Variants in HDAC4 observed in about 807,000 individuals in gnomAD.
HDAC4 encodes the protein histone deacetylase A.
HDAC4 carries 16 observed loss-of-function variants against 135.1 expected under a neutral mutation model. The ratio of observed to expected loss-of-function variants is 0.12; its 90% CI spans 0.08 to 0.18. HDAC4 has a LOEUF of 0.18. Ranked by LOEUF, HDAC4 falls within the 10% of genes least tolerant of loss-of-function variation. The pLI, the probability that HDAC4 is intolerant of heterozygous loss-of-function variation, is 1.00. For synonymous variants in HDAC4, 685 were observed against 653.4 expected (o/e 1.05, Z -0.74); for missense variants, 1,143 against 1,511.8 (o/e 0.76, Z 4.05).
chr2:239,061,421 G>A, intron 24 of HDAC4, among the ~76,000 whole-genome samples: 1 of 151,436 alleles, frequency 6.6e-6, no homozygotes, highest in Non-Finnish European at 1.5e-5. Context: ...AGGGTGTGTG[G>A]TGTGTGCACG....
At chr2:239,327,635 C>G (rs1559366172) in intron 2 of HDAC4, among the ~76,000 whole-genome samples, 1 of 152,238 alleles carries the variant, frequency 6.6e-6, no homozygotes, top group Admixed American at 6.5e-5. Context: ...AGCCAGCCAG[C>G]CCAGACTTGG....
chr2:239,315,814 C>T (rs1185813046), intron 2 of HDAC4, among the ~76,000 whole-genome samples: 2 of 152,134 alleles, frequency 1.3e-5, no homozygotes, highest in African/African-American at 2.4e-5. Context: ...TCAAAGAAAA[C>T]ATCTTCTGGA....
At chr2:239,081,369 G>A (rs2035306303) in intron 21 of HDAC4, among the ~76,000 whole-genome samples, 177 bp from the exon 22 acceptor site, 1 of 152,226 alleles carries the variant, frequency 6.6e-6, no homozygotes, top group Non-Finnish European at 1.5e-5. Flanking sequence ...GGGCCCCACT[G>A]ACAGGGGCAC....
chr2:239,372,872 C>T (rs768270233), intron 1 of HDAC4, among the ~76,000 whole-genome samples: 5 of 152,166 alleles, frequency 3.3e-5, no homozygotes, highest in Non-Finnish European at 5.9e-5. Context: ...ACCAGGTGGT[C>T]ACTGCCTCCA....
chr2:239,073,644 A>G (rs1267354999), intron 22 of HDAC4, among the ~76,000 whole-genome samples: 2 of 152,244 alleles, frequency 1.3e-5, no homozygotes, highest in East Asian at 3.8e-4. Context: ...CCAGAGTGAG[A>G]GGTTTCTTCT....
intron 7 of HDAC4, among the ~76,000 whole-genome samples, chr2:239,147,543 G>T (rs545856756): frequency 6.6e-6 from 1 of 152,264 alleles, no homozygotes; most frequent in African/African-American, 2.4e-5. Flanking sequence ...CACCGCCCTC[G>T]CGGGCCTTCC....
chr2:239,334,839 G>A (rs774026620), intron 2 of HDAC4, among the ~76,000 whole-genome samples: 15 of 151,830 alleles, frequency 9.9e-5, no homozygotes, highest in South Asian at 2.1e-4. Context: ...TGGCTAACAC[G>A]GTGAAACACC....
rs1224609733 is a variant in HDAC4 at position 239,277,578 on chromosome 2, C to A, written c.23-40914G>T. Among the ~76,000 whole-genome samples, 6 of 152,228 alleles carry A rather than the reference C, an allele frequency of 3.9e-5. No individual in the cohort carries two copies. In the East Asian group the frequency reaches 1.2e-3, roughly 29 times the overall value. ...GAACCAGGGTCTCAGGGCACTTCCA[C>A]AAGCTCACCGGACATGTGCCCACTC... On this transcript the variant is annotated intron_variant, in intron 2 of 26. Coordinates refer to ENST00000543185, the MANE Select transcript of HDAC4 (RefSeq NM_001378414.1).
At chr2:239,161,781 A>G (rs894228666) in intron 6 of HDAC4, 1 of 426,628 alleles carries the variant, frequency 2.3e-6, no homozygotes. Flanking sequence ...AGTTCCAGGA[A>G]AAGTCAGTCC....
chr2:239,111,215 G>A (rs958180352), intron 14 of HDAC4, among the ~76,000 whole-genome samples: 1 of 152,268 alleles, frequency 6.6e-6, no homozygotes, highest in Non-Finnish European at 1.5e-5. Flanking sequence ...CGGACCAGAA[G>A]CTGTAGGTTC....
intron 2 of HDAC4, among the ~76,000 whole-genome samples, chr2:239,347,335 C>CAGG (rs1321339713): frequency 6.6e-6 from 1 of 152,208 alleles, no homozygotes; most frequent in Non-Finnish European, 1.5e-5. Context: ...GGTTAACACT[C>CAGG]AACAGTGGTC....
intron 1 of HDAC4, among the ~76,000 whole-genome samples, chr2:239,370,731 G>A (rs138520578): frequency 6.6e-6 from 1 of 152,240 alleles, no homozygotes; most frequent in Admixed American, 6.5e-5. Context: ...TGGAGGAGCC[G>A]AGCAGAGGAG....
intron 22 of HDAC4, among the ~76,000 whole-genome samples, chr2:239,079,732 T>C (rs1574939289): frequency 6.6e-6 from 1 of 151,742 alleles, no homozygotes. Context: ...GTGTGTGTAC[T>C]CATATACAGA....
chr2:239,239,306 A>G (rs563569697), intron 2 of HDAC4, among the ~76,000 whole-genome samples: 5 of 152,310 alleles, frequency 3.3e-5, no homozygotes, highest in African/African-American at 1.2e-4. Context: ...ACACTTTACC[A>G]TGTTGATGGG....
At chr2:239,350,542 T>C (rs1693064565) in intron 2 of HDAC4, among the ~76,000 whole-genome samples, 1 of 152,112 alleles carries the variant, frequency 6.6e-6, no homozygotes, top group Admixed American at 6.6e-5. Context: ...TCTTGCTCTG[T>C]CGCCAGGCTG....
intron 22 of HDAC4, among the ~76,000 whole-genome samples, chr2:239,069,998 G>A (rs62189536): frequency 0.13 from 14,581 of 111,894 alleles, 911 homozygotes; most frequent in Non-Finnish European, 0.16. Context: ...GCCCTGTCCC[G>A]TCCTCTCTGT....
At chr2:239,114,827 C>A (rs1045306460) in intron 13 of HDAC4, among the ~76,000 whole-genome samples, 1 of 152,160 alleles carries the variant, frequency 6.6e-6, no homozygotes, top group Non-Finnish European at 1.5e-5. Context: ...AAAGCAGTTA[C>A]GTAACCACCC....
At chr2:239,180,387 A>C (rs1575315266) in intron 4 of HDAC4, among the ~76,000 whole-genome samples, 2 of 151,756 alleles carry the variant, frequency 1.3e-5, no homozygotes, top group African/African-American at 4.8e-5. Context: ...ACTGCTGAGG[A>C]CTCAGCCGGT....
chr2:239,366,175 G>A (rs1230550802), intron 1 of HDAC4, among the ~76,000 whole-genome samples: 1 of 150,312 alleles, frequency 6.7e-6, no homozygotes, highest in Non-Finnish European at 1.5e-5. Flanking sequence ...TCATGCGTGT[G>A]GCACTATGTG....
Sources: allele counts gnomAD v4.1 joint callset (sites outside exome capture counted in the v4.1 genomes callset), GRCh38; gene constraint gnomAD v4.1.1; transcripts MANE v1.5; gene names NCBI Gene and HGNC (gene_info 2026-07-23, HGNC 2026-07-21).